Variants in DNM2 observed in about 807,000 individuals in gnomAD.
The protein encoded by DNM2 is dynamin-2.
Under a neutral mutation model 99.0 loss-of-function variants are expected in DNM2, and 15 were observed. The ratio of observed to expected loss-of-function variants is 0.15; its 90% CI spans 0.10 to 0.23. DNM2 has a LOEUF of 0.23. Ranked by LOEUF, DNM2 falls within the 10% of genes least tolerant of loss-of-function variation. The pLI, the probability that DNM2 is intolerant of heterozygous loss-of-function variation, is 1.00. For missense variants in DNM2, 742 were observed against 1,189.4 expected, an observed-to-expected ratio of 0.62 and a Z score of 5.53; for synonymous variants, 525 against 481.2, an observed-to-expected ratio of 1.09 and a Z score of -1.19.
intron 15 of DNM2, among the ~76,000 whole-genome samples, chr19:10,813,825 CA>C (rs371141451): frequency 0.011 from 1,316 of 114,962 alleles, 9 homozygotes; most frequent in Non-Finnish European, 0.017. Flanking sequence ...GACACTGTCT[CA>C]AAAAAAAAAA....
intron 1 of DNM2, among the ~76,000 whole-genome samples, chr19:10,735,931 G>A (rs1423691378): frequency 2.6e-5 from 4 of 152,122 alleles, no homozygotes; most frequent in Admixed American, 2.0e-4. Flanking sequence ...GTTGATGTAT[G>A]GCTCTGTCCT....
Position 10,830,805 on chromosome 19 carries a change from T to C in DNM2, c.2544-173T>C, listed in dbSNP as rs1050226900. The stretch of plus-strand genomic sequence containing the variant: ...CACTGAGGGTCAAACAGCAGGCGAG[T>C]TGATGCCTAGGTTTGGCACTCCTGC... On this transcript the variant is annotated intron_variant, in intron 20 of 20. Transcript: ENST00000389253. This position sits in a 1 kb window ranked among gnomAD's most constrained non-coding sequence, Gnocchi z 4.8. Among the ~76,000 whole-genome samples the C allele has an allele frequency of 1.3e-5, 2 of 151,724 alleles. No individual in the cohort carries two copies. The highest frequency in any genetic ancestry group is 2.1e-4 in the South Asian group (1 of 4,808).
intron 5 of DNM2, among the ~76,000 whole-genome samples, chr19:10,782,190 G>A (rs760681981): frequency 1.3e-5 from 2 of 151,804 alleles, no homozygotes; most frequent in African/African-American, 2.4e-5. Flanking sequence ...GTGCTACCAC[G>A]CCTCGCTAAT....
At chr19:10,803,945 A>G (rs1385361800) in intron 12 of DNM2, among the ~76,000 whole-genome samples, 1 of 152,154 alleles carries the variant, frequency 6.6e-6, no homozygotes, top group Non-Finnish European at 1.5e-5. Flanking sequence ...GGGATAGACT[A>G]TGGGAAAGGG....
In DNM2 at chr19:10,776,057, C is replaced by A. The variant is rs1223745135; in HGVS notation, c.589+151C>A. 7 of 1,041,510 alleles carry A rather than the reference C, an allele frequency of 6.7e-6. No individual in the cohort carries two copies. The East Asian group carries it at 1.3e-4, about 19-fold the overall frequency. The allele number at this position is 1,041,510 out of a possible 1,614,324, so 64.5% of individuals were successfully genotyped here. A position where few individuals can be genotyped will look rare whatever the true frequency, so the allele number is the denominator to read the frequency against. On this transcript the variant is annotated intron_variant, in intron 4 of 20. Coordinates refer to ENST00000389253, the MANE Select transcript of DNM2 (RefSeq NM_001005361.3). ...GGAACATGGCACTTCCTCCGAGAAC[C>A]AGCAGTGCTGGTGGGCATCCCCTGG...
Position 10,831,697 on chromosome 19 carries a change from A to G in DNM2, c.*650A>G. The G allele has an allele frequency of 1.0e-6, 1 of 986,190 alleles. No individual in the cohort carries two copies. 61.1% of individuals were successfully genotyped at this position (986,190 alleles called of 1,614,324 possible). A position where few individuals can be genotyped will look rare whatever the true frequency, so the allele number is the denominator to read the frequency against. On this transcript the variant is annotated 3_prime_UTR_variant, in exon 21 of 21. Coordinates refer to ENST00000389253, the MANE Select transcript of DNM2 (RefSeq NM_001005361.3). The surrounding 1 kb of genome is among the most constrained non-coding windows in gnomAD (Gnocchi z 4.3). ...TCCTCCTCCTCCTCCTGGGTCCCCC[A>G]GGGTGGCTGGGCTTGGGCTATGTGG... is the stretch of plus-strand genomic sequence containing the variant.
chr19:10,788,536 C>T (rs1484375281), intron 7 of DNM2, among the ~76,000 whole-genome samples: 1 of 152,200 alleles, frequency 6.6e-6, no homozygotes, highest in East Asian at 1.9e-4. Flanking sequence ...CAGGTGCTCA[C>T]AGGCTCCCTA....
intron 1 of DNM2, among the ~76,000 whole-genome samples, chr19:10,749,923 AC>A (rs2070134708): frequency 6.6e-6 from 1 of 152,068 alleles, no homozygotes; most frequent in Non-Finnish European, 1.5e-5. Context: ...CAGAGGGAAC[AC>A]CCCCTGCAAA....
chr19:10,812,236 C>T lies in DNM2; in HGVS notation c.1558-28C>T, dbSNP rs1033888973. On this transcript the variant is annotated intron_variant, in intron 14 of 20. Transcript: ENST00000389253. This position sits in a 1 kb window ranked among gnomAD's most constrained non-coding sequence, Gnocchi z 4.0. ...GATGGCTGGGGCACGGAGCGAGGTT[C>T]CCTGCTAAGCTGCGCGCTTTCCCCC... 6.4e-7 allele frequency: 1 copy of T among 1,560,326 alleles called. No individual in the cohort carries two copies. Among genetic ancestry groups the T allele is most frequent in the Non-Finnish European group, 8.7e-7 (1 of 1,150,666 alleles).
At chr19:10,718,566 C>A in intron 1 of DNM2, 163 bp downstream of exon 1, 2 of 1,060,514 alleles carry the variant, frequency 1.9e-6, no homozygotes, top group African/African-American at 1.7e-5. Context: ...ACGCCCTGGG[C>A]AGAGGACTCC....
At position 10,829,984 on chromosome 19, in the gene DNM2, G is replaced by A. The variant is rs531504004; in HGVS notation, c.2292-143G>A. On this transcript the variant is annotated intron_variant, in intron 19 of 20. Coordinates refer to ENST00000389253, the MANE Select transcript of DNM2 (RefSeq NM_001005361.3). ...GAGGGCAAGGGAAGGTGGGACTGGC[G>A]CTCAGGTTGGGGTGGGAGGATCCCA... 92 of 1,256,088 alleles carry A rather than the reference G, an allele frequency of 7.3e-5. No individual in the cohort carries two copies. In the East Asian group the frequency reaches 1.3e-3, roughly 18 times the overall value. The allele number at this position is 1,256,088 out of a possible 1,614,324, so 77.8% of individuals were successfully genotyped here.
rs555900317 is a variant in DNM2 at position 10,774,179 on chromosome 19, C to T, written c.386-1524C>T. Among the ~76,000 whole-genome samples, 15 of 152,278 alleles carry T rather than the reference C, an allele frequency of 9.9e-5. No individual in the cohort carries two copies. The East Asian group carries it at 2.7e-3, about 27-fold the overall frequency. The stretch of plus-strand genomic sequence containing the variant: ...CATGAGCTGGGTGTGGTTTCACACA[C>T]CTGTCATTCAAGCTGCCTGAAAGGC... On this transcript the variant is annotated intron_variant, in intron 3 of 20. Coordinates refer to ENST00000389253, the MANE Select transcript of DNM2 (RefSeq NM_001005361.3).
At chr19:10,744,306 G>T (rs1025432190) in intron 1 of DNM2, among the ~76,000 whole-genome samples, 13 of 152,194 alleles carry the variant, frequency 8.5e-5, no homozygotes, top group African/African-American at 2.7e-4. Flanking sequence ...AGGAGGAGGG[G>T]ATGGGTCTGG....
chr19:10,757,160 A>AGCAGC (rs2145839966), intron 1 of DNM2, among the ~76,000 whole-genome samples: 1 of 152,272 alleles, frequency 6.6e-6, no homozygotes, highest in East Asian at 1.9e-4. Flanking sequence ...CTGCTCTGCC[A>AGCAGC]GCAGCGCCCC....
At chr19:10,804,275 CCCAG>C (rs1171044834) in intron 12 of DNM2, among the ~76,000 whole-genome samples, 5 of 152,268 alleles carry the variant, frequency 3.3e-5, no homozygotes, top group Non-Finnish European at 5.9e-5. Flanking sequence ...CTCACTGTCA[CCCAG>C]CCATCACTGT....
rs148790687 is a variant in DNM2 at position 10,772,481 on chromosome 19, C to T, written c.238C>T (p.His80Tyr). The T allele has an allele frequency of 1.9e-3, 3,000 of 1,614,112 alleles. 1 individual carries two copies. Among genetic ancestry groups the T allele is most frequent in the Non-Finnish European group, 2.3e-3 (2,674 of 1,180,018 alleles). ...CAGCATCTCTCTTCCCTTTCTAGAACATGCCGAGTTTTTGCACTGCAAGTC... is the reference window on the plus strand; with the variant it reads ...CAGCATCTCTCTTCCCTTTCTAGAATATGCCGAGTTTTTGCACTGCAAGTC... ...ILQLIFSKTE[H>Y]AEFLHCKSKK... Residue 80 changes from histidine to tyrosine, a missense_variant and splice_region_variant, in exon 3 of 21, where the codon CAT becomes TAT. By Grantham distance (83) the His-to-Tyr change is moderately conservative (BLOSUM62 2). Coordinates refer to ENST00000389253, the MANE Select transcript of DNM2 (RefSeq NM_001005361.3). This position sits in a 1 kb window ranked among gnomAD's most constrained non-coding sequence, Gnocchi z 4.9.
rs1187771703 is a variant in DNM2, at chr19:10,830,645, TCA to T, written c.2543+271_2543+272del. On this transcript the variant is annotated intron_variant, in intron 20 of 20. Transcript: ENST00000389253. This position sits in a 1 kb window ranked among gnomAD's most constrained non-coding sequence, Gnocchi z 4.8. The stretch of plus-strand genomic sequence containing the variant: ...GTGCCACCAGGCAGCTGGGGAACCC[TCA>T]CACTGGGCACCTCCTCCCACTGTTT... 1.7e-6 allele frequency: 1 copy of T among 590,734 alleles called. No individual in the cohort carries two copies. The highest frequency in any genetic ancestry group is 3.0e-6 in the Non-Finnish European group (1 of 335,886). The allele number at this position is 590,734 out of a possible 1,614,324, so 36.6% of individuals were successfully genotyped here.
intron 1 of DNM2, among the ~76,000 whole-genome samples, chr19:10,753,146 G>A (rs2070257720): frequency 6.6e-6 from 1 of 152,052 alleles, no homozygotes; most frequent in South Asian, 2.1e-4. Flanking sequence ...AATCAAAAAG[G>A]TTAATAATCA....
At position 10,820,028 on chromosome 19, in the gene DNM2, G is replaced by T; in HGVS notation, c.1720G>T (p.Asp574Tyr). Residue 574 changes from aspartate to tyrosine, a missense_variant, in exon 16 of 21, where the codon GAT (aspartate) becomes TAT (tyrosine). Coordinates refer to ENST00000389253, the MANE Select transcript of DNM2 (RefSeq NM_001005361.3). This position sits in a 1 kb window ranked among gnomAD's most constrained non-coding sequence, Gnocchi z 4.3. ...GCCTCTGGACAACCTCAAGATCCGT[G>T]ATGTGGAGAAGGGCTTCATGTCCAA... ...MLPLDNLKIR[D>Y]VEKGFMSNKH... The T allele has an allele frequency of 6.2e-7, 1 of 1,614,226 alleles. No individual in the cohort carries two copies. The highest frequency in any genetic ancestry group is 8.5e-7 in the Non-Finnish European group (1 of 1,180,040).
Sources: allele counts gnomAD v4.1 joint callset (sites outside exome capture counted in the v4.1 genomes callset), GRCh38; gene constraint gnomAD v4.1.1; non-coding constraint Gnocchi (gnomAD v3.1); transcripts MANE v1.5; gene names NCBI Gene and HGNC (gene_info 2026-07-23, HGNC 2026-07-21).